URB1: variants seen among roughly 807,000 people sequenced by gnomAD.
The protein encoded by URB1 is URB1 ribosome biogenesis factor, also known as nucleolar pre-ribosomal-associated protein 1.
A neutral mutation model predicts 242.3 loss-of-function variants in URB1; 197 were observed. The observed-to-expected ratio is 0.81, with a 90% CI of 0.72 to 0.91. The LOEUF (loss-of-function observed/expected upper bound fraction) is 0.91. Ranked by LOEUF, URB1 falls within the 40% of genes least tolerant of loss-of-function variation. The probability of loss-of-function intolerance (pLI) is 0.00; values close to 1 mark genes in which losing one functional copy is unlikely to be tolerated. For synonymous variants in URB1, 1,153 were observed against 1,201.8 expected (o/e 0.96, Z 0.84); for missense variants, 2,721 against 2,860.5 (o/e 0.95, Z 1.11).
chr21:32,312,150 A>G lies in URB1; in HGVS notation c.*2768T>C. The G allele has an allele frequency of 1.3e-6, 2 of 1,531,340 alleles. No individual in the cohort carries two copies. 94.9% of individuals were successfully genotyped at this position (1,531,340 alleles called of 1,614,324 possible). ...AGCAGGAGCATCCTATGCCTTTGAC[A>G]AAGATTGCAGTGGCCCCTCGAGTGC... is the stretch of plus-strand genomic sequence containing the variant. On this transcript the variant is annotated 3_prime_UTR_variant, in exon 39 of 39. Transcript: ENST00000382751.
chr21:32,367,226 A>C (rs2033356106), intron 9 of URB1, among the ~76,000 whole-genome samples: 1 of 152,310 alleles, frequency 6.6e-6, no homozygotes, highest in Non-Finnish European at 1.5e-5. Flanking sequence ...GAGGTTAGGT[A>C]ATTTCCTTAA....
At chr21:32,378,160 C>T (rs2033480678) in intron 5 of URB1, among the ~76,000 whole-genome samples, 1 of 152,196 alleles carries the variant, frequency 6.6e-6, no homozygotes, top group African/African-American at 2.4e-5. Flanking sequence ...CCTTTGTTTG[C>T]CCGACTCTGC....
chr21:32,322,701 T>C (rs2032782302), intron 32 of URB1, 117 bp from the exon 33 acceptor site: 2 of 730,794 alleles, frequency 2.7e-6, no homozygotes, highest in Non-Finnish European at 4.8e-6. Flanking sequence ...CCAGGAACTT[T>C]TGTGTCCTGA....
At chr21:32,372,701 A>G (rs1206768929) in intron 7 of URB1, 70 bp from the exon 8 acceptor site, 14 of 1,469,776 alleles carry the variant, frequency 9.5e-6, no homozygotes, top group Non-Finnish European at 1.3e-5. Flanking sequence ...TAGAGTAAAA[A>G]CAAGGACAAT....
At chr21:32,363,379 T>C (rs2033310825) in intron 10 of URB1, 50 bp from the exon 11 acceptor site, 2 of 1,529,968 alleles carry the variant, frequency 1.3e-6, no homozygotes, top group Admixed American at 4.0e-5. Context: ...ATACACAGAT[T>C]TGCTAAGCTA....
chr21:32,340,604 A>C (rs1343120382), intron 25 of URB1, among the ~76,000 whole-genome samples: 1 of 152,122 alleles, frequency 6.6e-6, no homozygotes, highest in Non-Finnish European at 1.5e-5. Flanking sequence ...CATGAGCAAA[A>C]CTCTGTCTCA....
At chr21:32,362,475 T>C (rs1039845360) in intron 11 of URB1, among the ~76,000 whole-genome samples, 1 of 152,216 alleles carries the variant, frequency 6.6e-6, no homozygotes, top group Non-Finnish European at 1.5e-5. Flanking sequence ...CCCAAAGTGC[T>C]GGGATTACAG....
chr21:32,379,546 G>T (rs761122951), intron 4 of URB1, among the ~76,000 whole-genome samples: 44 of 152,276 alleles, frequency 2.9e-4, no homozygotes, highest in Middle Eastern at 3.4e-3. Context: ...ATGATGATGA[G>T]GAGGAGGAGG....
chr21:32,377,723 G>T (rs2033475183), intron 5 of URB1, among the ~76,000 whole-genome samples: 1 of 152,050 alleles, frequency 6.6e-6, no homozygotes, highest in Non-Finnish European at 1.5e-5. Context: ...TCCCATCCTG[G>T]GAGGGAGAAG....
chr21:32,311,494 C>T lies in URB1; in HGVS notation c.*3424G>A. The T allele has an allele frequency of 2.0e-6, 1 of 512,768 alleles. No individual in the cohort carries two copies. Among genetic ancestry groups the T allele is most frequent in the Non-Finnish European group, 3.1e-6 (1 of 325,966 alleles). 31.8% of individuals were successfully genotyped at this position (512,768 alleles called of 1,614,324 possible). ...AGGCCTAGTTCCTGACAAAGCACTTCCTCTCCTCTGAGATTTCTCTAGAAT... is the reference window on the plus strand; with the variant it reads ...AGGCCTAGTTCCTGACAAAGCACTTTCTCTCCTCTGAGATTTCTCTAGAAT... On this transcript the variant is annotated 3_prime_UTR_variant, in exon 39 of 39. Transcript: ENST00000382751.
At position 32,361,911 on chromosome 21, in the gene URB1, G is replaced by C; in HGVS notation, c.1620C>G (p.Ala540=). The C allele has an allele frequency of 1.3e-6, 2 of 1,551,326 alleles. No homozygotes were observed. Among genetic ancestry groups the C allele is most frequent in the South Asian group, 2.4e-5 (2 of 84,044 alleles). The change falls in exon 12 of 39, where the codon GCC becomes GCG. Residue 540 remains alanine (A), a synonymous_variant. Transcript: ENST00000382751. ...GQKRSDGPPA[A]CDAHQCDDAE... ...CCTTACCGCACTGGTGAGCATCGCA[G>C]GCAGCCGGGGGCCCATCGCTCCTTT...
chr21:32,386,798 T>C (rs1229613320), intron 1 of URB1, among the ~76,000 whole-genome samples: 1 of 152,190 alleles, frequency 6.6e-6, no homozygotes, highest in Non-Finnish European at 1.5e-5. Flanking sequence ...CCCTAGGTAC[T>C]AGTATTTCAC....
intron 4 of URB1, 118 bp downstream of exon 4, chr21:32,383,304 A>T: frequency 7.7e-7 from 1 of 1,300,828 alleles, no homozygotes; most frequent in Non-Finnish European, 1.0e-6. Flanking sequence ...ACCTTTCTAC[A>T]TAGACACCTC....
intron 3 of URB1, 136 bp from the exon 4 acceptor site, chr21:32,383,690 C>T: frequency 2.0e-6 from 2 of 1,019,776 alleles, no homozygotes; most frequent in Non-Finnish European, 2.6e-6. Context: ...AAAAGACATG[C>T]TCTTTTTTTA....
rs2032620534 is a variant in URB1 at position 32,313,171 on chromosome 21, G to C, written c.*1747C>G. 6.6e-6 allele frequency: 1 copy of C among 152,312 alleles called. No homozygotes were observed. The highest frequency in any genetic ancestry group is 2.4e-5 in the African/African-American group (1 of 41,466). 9.4% of individuals were successfully genotyped at this position (152,312 alleles called of 1,614,324 possible). On this transcript the variant is annotated 3_prime_UTR_variant, in exon 39 of 39. Coordinates refer to ENST00000382751, the MANE Select transcript of URB1 (RefSeq NM_014825.3). The stretch of plus-strand genomic sequence containing the variant: ...CCTAAGAACCTGGGAGGCAGCTTAG[G>C]CCTGGAGCCAGGGATGAAGCCGTGG...
At chr21:32,364,008 T>G (rs1253671760) in intron 10 of URB1, among the ~76,000 whole-genome samples, 3 of 151,724 alleles carry the variant, frequency 2.0e-5, no homozygotes, top group African/African-American at 7.3e-5. Flanking sequence ...CCCAGGATTC[T>G]ACCACTATTA....
Position 32,363,040 on chromosome 21 carries a change from T to C in URB1, c.1509+116A>G, listed in dbSNP as rs1464246164. Reference sequence around the variant, plus strand: ...CACGCTACCACACTGCCCACCGGCCTGTCCAACCCTGCGGCTCCAAGGACA... The same window carrying C: ...CACGCTACCACACTGCCCACCGGCCCGTCCAACCCTGCGGCTCCAAGGACA... On this transcript the variant is annotated intron_variant, in intron 11 of 38. Coordinates refer to ENST00000382751, the MANE Select transcript of URB1 (RefSeq NM_014825.3). 5.2e-6 allele frequency: 7 copies of C among 1,342,744 alleles called. No homozygotes were observed. In the East Asian group the frequency reaches 1.5e-4, roughly 29 times the overall value. The allele number at this position is 1,342,744 out of a possible 1,614,324, so 83.2% of individuals were successfully genotyped here.
At chr21:32,320,370 C>T (rs560818483) in intron 35 of URB1, among the ~76,000 whole-genome samples, 161 bp downstream of exon 35, 4 of 152,330 alleles carry the variant, frequency 2.6e-5, no homozygotes, top group African/African-American at 4.8e-5. Context: ...CTGCCAGGAA[C>T]GGGACTGCCA....
chr21:32,338,445 G>A (rs558408301), intron 26 of URB1, among the ~76,000 whole-genome samples: 9 of 152,298 alleles, frequency 5.9e-5, no homozygotes, highest in Non-Finnish European at 1.3e-4. Context: ...ATGAGCCCAT[G>A]ATAACGGCAC....
Sources: gnomAD v4.1 joint callset for allele counts (sites outside exome capture counted in the v4.1 genomes callset) on GRCh38, gnomAD v4.1.1 for gene constraint, MANE v1.5 for transcripts, NCBI Gene and HGNC (gene_info 2026-07-23, HGNC 2026-07-21) for gene names.